BMPER: variants seen among roughly 807,000 people sequenced by gnomAD.
BMPER encodes BMP-binding endothelial regulator protein.
BMPER carries 45 observed loss-of-function variants against 87.3 expected under a neutral mutation model. That is an observed-to-expected ratio of 0.52 (90% CI 0.41 to 0.66). BMPER has a LOEUF of 0.66. Among genes scored for constraint, BMPER ranks in the 30% least tolerant of loss-of-function variants. BMPER has a pLI of 0.00. For missense variants in BMPER, 784 were observed against 867.5 expected (o/e 0.90, Z 1.21); for synonymous variants, 326 against 316.2 (o/e 1.03, Z -0.33).
chr7:33,970,243 CACTTCTCCT>C (rs1785506989), intron 4 of BMPER, 77 bp from the exon 5 acceptor site: 2 of 1,354,840 alleles, frequency 1.5e-6, no homozygotes, highest in Non-Finnish European at 1.1e-6. Flanking sequence ...TGTGCTTGAG[CACTTCTCCT>C]ACTTAGGTCA....
At chr7:34,021,731 C>T (rs1294718263) in intron 6 of BMPER, among the ~76,000 whole-genome samples, 6 of 152,050 alleles carry the variant, frequency 3.9e-5, no homozygotes, top group Non-Finnish European at 8.8e-5. Flanking sequence ...TAGCAGGTAT[C>T]TTCTTGATAA....
At chr7:34,003,479 C>G (rs1165730794) in intron 6 of BMPER, among the ~76,000 whole-genome samples, 5 of 151,834 alleles carry the variant, frequency 3.3e-5, no homozygotes, top group Non-Finnish European at 7.4e-5. Flanking sequence ...CCGTTAAATC[C>G]TGTAGAAAAA....
intron 12 of BMPER, among the ~76,000 whole-genome samples, chr7:34,083,037 T>C (rs1483355093): frequency 6.6e-6 from 1 of 152,242 alleles, no homozygotes; most frequent in African/African-American, 2.4e-5. Flanking sequence ...AATCATCTTA[T>C]AGTTTGCTTG....
intron 3 of BMPER, among the ~76,000 whole-genome samples, chr7:33,947,355 T>A (rs147225752): frequency 1.1e-4 from 17 of 152,334 alleles, no homozygotes; most frequent in African/African-American, 3.6e-4. Flanking sequence ...TCTTTCCTCA[T>A]ATAGAGCATG....
intron 3 of BMPER, among the ~76,000 whole-genome samples, chr7:33,943,930 G>T (rs549021811): frequency 4.6e-5 from 7 of 152,248 alleles, no homozygotes; most frequent in Non-Finnish European, 8.8e-5. Context: ...GAGCCTAACT[G>T]AGTGCCATCA....
intron 14 of BMPER, among the ~76,000 whole-genome samples, chr7:34,149,533 T>C (rs527684684): frequency 1.3e-5 from 2 of 152,034 alleles, no homozygotes; most frequent in South Asian, 4.2e-4. Context: ...GAGATAAAAC[T>C]GTAGTAATTG....
chr7:34,031,919 TATATATATACAC>T (rs1304254228), intron 6 of BMPER, among the ~76,000 whole-genome samples: 2 of 119,628 alleles, frequency 1.7e-5, no homozygotes, highest in East Asian at 5.0e-4. Context: ...TATATATATA[TATATATATACAC>T]ACACACACAC....
At chr7:34,074,123 C>T (rs559367462) in intron 11 of BMPER, among the ~76,000 whole-genome samples, 1 of 152,344 alleles carries the variant, frequency 6.6e-6, no homozygotes, top group South Asian at 2.1e-4. Context: ...AAAGCAAATT[C>T]ATAACATTTA....
At chr7:34,018,523 G>A (rs151030310) in intron 6 of BMPER, among the ~76,000 whole-genome samples, 4 of 151,952 alleles carry the variant, frequency 2.6e-5, no homozygotes, top group African/African-American at 4.8e-5. Flanking sequence ...GCAAAATTCT[G>A]CATGCCTCGC....
chr7:34,072,804 T>G (rs1788770959), intron 11 of BMPER, among the ~76,000 whole-genome samples: 1 of 152,204 alleles, frequency 6.6e-6, no homozygotes, highest in African/African-American at 2.4e-5. Flanking sequence ...CATGTTGTTC[T>G]GATTCTGATT....
chr7:34,096,237 G>C (rs748195359), intron 13 of BMPER, among the ~76,000 whole-genome samples: 23 of 152,186 alleles, frequency 1.5e-4, no homozygotes, highest in Non-Finnish European at 2.5e-4. Flanking sequence ...CAGATTGGTT[G>C]GAGCTTTGAT....
At chr7:34,018,419 A>G (rs1371482230) in intron 6 of BMPER, among the ~76,000 whole-genome samples, 2 of 152,084 alleles carry the variant, frequency 1.3e-5, no homozygotes, top group South Asian at 4.1e-4. Context: ...GCAAGCAGAT[A>G]TCTAGCACTG....
In BMPER at chr7:34,086,052, C is replaced by T; in HGVS notation, c.1705C>T (p.Gln569Ter). Residue 569 changes from glutamine (Q) to a stop codon, truncating the protein, a stop_gained, in exon 13 of 15, where the codon CAG becomes TAG. Transcript: ENST00000649409. LOFTEE classifies it high-confidence loss of function. ...CCAAAAGCTCAAATCCTGGGAGTTT[C>T]AGACCTGCCACTCGACTGTGGACTA... is the stretch of plus-strand genomic sequence containing the variant. ...ECQKLKSWEF[Q>*]TCHSTVDYAT... 1 of 1,613,976 alleles carries T rather than the reference C, an allele frequency of 6.2e-7. No individual in the cohort carries two copies. The highest frequency in any genetic ancestry group is 1.1e-5 in the South Asian group (1 of 91,054).
intron 13 of BMPER, among the ~76,000 whole-genome samples, chr7:34,086,440 A>G (rs188099453): frequency 6.6e-6 from 1 of 152,242 alleles, no homozygotes; most frequent in African/African-American, 2.4e-5. Context: ...CCACAGTAGT[A>G]CAAGGCAGAG....
At chr7:34,026,875 C>T (rs1193727684) in intron 6 of BMPER, among the ~76,000 whole-genome samples, 1 of 152,034 alleles carries the variant, frequency 6.6e-6, no homozygotes, top group Non-Finnish European at 1.5e-5. Flanking sequence ...GACAGTTTTA[C>T]TGGAACAAAA....
At chr7:34,114,718 A>G (rs559349844) in intron 13 of BMPER, among the ~76,000 whole-genome samples, 1 of 152,318 alleles carries the variant, frequency 6.6e-6, no homozygotes, top group Non-Finnish European at 1.5e-5. Context: ...CATCCTGAGG[A>G]AGGTAAGCTT....
intron 10 of BMPER, 96 bp downstream of exon 10, chr7:34,058,259 C>T: frequency 8.6e-7 from 1 of 1,163,736 alleles, no homozygotes; most frequent in South Asian, 1.3e-5. Flanking sequence ...CAGACTCCAG[C>T]TCCCCCAAAG....
At chr7:34,100,826 G>A (rs1789661442) in intron 13 of BMPER, among the ~76,000 whole-genome samples, 1 of 152,102 alleles carries the variant, frequency 6.6e-6, no homozygotes, top group African/African-American at 2.4e-5. Flanking sequence ...GGGGTGAGGA[G>A]GATACACTTG....
chr7:34,050,075 A>G (rs1484073891), intron 7 of BMPER, among the ~76,000 whole-genome samples: 4 of 152,122 alleles, frequency 2.6e-5, no homozygotes. Context: ...GAAAGAATGA[A>G]TTTTTTTATT....
Sources: gnomAD v4.1 joint callset for allele counts (sites outside exome capture counted in the v4.1 genomes callset) on GRCh38, gnomAD v4.1.1 for gene constraint, MANE v1.5 for transcripts, NCBI Gene and HGNC (gene_info 2026-07-23, HGNC 2026-07-21) for gene names.